The following SLC4A3 variants were observed in gnomAD, a reference collection of about 807,000 sequenced individuals.
SLC4A3 encodes the protein anion exchange protein 3.
In SLC4A3, 47 loss-of-function variants were observed where a neutral mutation model predicts 114.2. The observed-to-expected ratio is 0.41, with a 90% CI of 0.33 to 0.52. The LOEUF is 0.52. Among genes scored for constraint, SLC4A3 ranks in the 20% least tolerant of loss-of-function variants. The pLI is 0.21. For missense variants in SLC4A3, 1,312 were observed against 1,668.3 expected, an observed-to-expected ratio of 0.79 and a Z score of 3.72; for synonymous variants, 693 against 710.3, an observed-to-expected ratio of 0.98 and a Z score of 0.39.
At position 219,628,001 on chromosome 2, in the gene SLC4A3, C is replaced by G. The variant is rs1410869859; in HGVS notation, c.9C>G (p.Asn3Lys). 1.3e-6 allele frequency: 2 copies of G among 1,598,710 alleles called. No individual in the cohort carries two copies. Residue 3 changes from asparagine (N) to lysine (K), a missense_variant, in exon 2 of 23, where the codon AAC becomes AAG. Coordinates refer to ENST00000358055, the MANE Select transcript of SLC4A3 (RefSeq NM_005070.4). This position sits in a 1 kb window ranked among gnomAD's most constrained non-coding sequence, Gnocchi z 4.8. ...CAGCCGCCTACCTGGCCATGGCCAA[C>G]GGAGTGATCCCGCCGCCCGGGGGCG... MA[N>K]GVIPPPGGAS...
Position 219,636,792 on chromosome 2 carries a change from A to G in SLC4A3, c.2453A>G (p.Tyr818Cys). ...GCCGAAGGCAGCTTCCTGGTCCGCT[A>G]CATCTCGCCTTTCACCCAGGAGATC... The part of the protein sequence containing the change: ...VAAEGSFLVR[Y>C]ISPFTQEIFA... Residue 818 changes from tyrosine to cysteine, a missense_variant, in exon 16 of 23, where the codon TAC (tyrosine) becomes TGC (cysteine). Around this residue, in one of 4 missense-constraint regions of SLC4A3, gnomAD observed 771 missense variants for 977.7 expected, o/e 0.79. Transcript: ENST00000358055. This position sits in a 1 kb window ranked among gnomAD's most constrained non-coding sequence, Gnocchi z 5.5. 6.2e-7 allele frequency: 1 copy of G among 1,614,000 alleles called. No homozygotes were observed. The highest frequency in any genetic ancestry group is 8.5e-7 in the Non-Finnish European group (1 of 1,179,960).
In SLC4A3 at chr2:219,634,493, G is replaced by C. The variant is rs1324178856; in HGVS notation, c.1635G>C (p.Val545=). The change falls in exon 12 of 23, where the codon GTG becomes GTC. Residue 545 remains valine, a synonymous_variant. Transcript: ENST00000358055. ...RLNEAVLLES[V]LEVPVPVRFL... Reference sequence around the variant, plus strand: ...ATGAGGCTGTACTCCTGGAGTCTGTGCTTGAGGTCCCTGTCCCGGTCCGCT... The same window carrying C: ...ATGAGGCTGTACTCCTGGAGTCTGTCCTTGAGGTCCCTGTCCCGGTCCGCT... 1.2e-6 allele frequency: 2 copies of C among 1,614,084 alleles called. No individual in the cohort carries two copies. The highest frequency in any genetic ancestry group is 8.5e-7 in the Non-Finnish European group (1 of 1,180,052).
chr2:219,632,941 G>A lies in SLC4A3; in HGVS notation c.1209G>A (p.Met403Ile). Residue 403 changes from methionine to isoleucine, a missense_variant, in exon 9 of 23, where the codon ATG becomes ATA. Physicochemically the swap from Met to Ile is conservative, Grantham distance 10. Coordinates refer to ENST00000358055, the MANE Select transcript of SLC4A3 (RefSeq NM_005070.4). ...TTGCACACCTCGTGGTGGAGACCAT[G>A]ATTGTGTCTGACCAGATCCGGCCGG... ...PGIAHLVVET[M>I]IVSDQIRPED... 1 of 1,614,120 alleles carries A rather than the reference G, an allele frequency of 6.2e-7. No homozygotes were observed. The highest frequency in any genetic ancestry group is 8.5e-7 in the Non-Finnish European group (1 of 1,180,026).
rs911985383 is a variant in SLC4A3, at chr2:219,641,942, G to A, written c.*214G>A. On this transcript the variant is annotated 3_prime_UTR_variant, in exon 23 of 23. Coordinates refer to ENST00000358055, the MANE Select transcript of SLC4A3 (RefSeq NM_005070.4). This position sits in a 1 kb window ranked among gnomAD's most constrained non-coding sequence, Gnocchi z 4.0. ...CAGACCAGACCGGCACAGGCTTTGAGCTCATTATAACCACACTCCTTGTCT... is the reference window on the plus strand; with the variant it reads ...CAGACCAGACCGGCACAGGCTTTGAACTCATTATAACCACACTCCTTGTCT... The A allele has an allele frequency of 3.0e-5, 16 of 533,330 alleles. No homozygotes were observed. The highest frequency in any genetic ancestry group is 5.7e-5 in the African/African-American group (3 of 52,196). The allele number at this position is 533,330 out of a possible 1,614,324, so 33.0% of individuals were successfully genotyped here.
Position 219,628,035 on chromosome 2 carries a change from C to T in SLC4A3, c.43C>T (p.Leu15=). 1 of 1,576,286 alleles carries T rather than the reference C, an allele frequency of 6.3e-7. No individual in the cohort carries two copies. The highest frequency in any genetic ancestry group is 8.6e-7 in the Non-Finnish European group (1 of 1,164,574). The change falls in exon 2 of 23, where the codon CTA becomes TTA. Residue 15 remains leucine, a synonymous_variant. Coordinates refer to ENST00000358055, the MANE Select transcript of SLC4A3 (RefSeq NM_005070.4). The surrounding 1 kb of genome is among the most constrained non-coding windows in gnomAD (Gnocchi z 4.8). Reference sequence around the variant, plus strand: ...CCCGCCGCCCGGGGGCGCCTCCCCCCTACCCCAGGTGATCGGCGCGCGCGG... The same window carrying T: ...CCCGCCGCCCGGGGGCGCCTCCCCCTTACCCCAGGTGATCGGCGCGCGCGG... The part of the protein sequence containing the change: ...VIPPPGGASP[L]PQVRVPLEEP...
In SLC4A3 at chr2:219,630,004, G is replaced by A. The variant is rs1404588317; in HGVS notation, c.612-149G>A. Reference sequence around the variant, plus strand: ...GAAAGGGGGAGCCACGGGATGGGGAGGGGGCCTGGGTCAGCATCCTTTGCT... The same window carrying A: ...GAAAGGGGGAGCCACGGGATGGGGAAGGGGCCTGGGTCAGCATCCTTTGCT... On this transcript the variant is annotated intron_variant, in intron 5 of 22. Coordinates refer to ENST00000358055, the MANE Select transcript of SLC4A3 (RefSeq NM_005070.4). This position sits in a 1 kb window ranked among gnomAD's most constrained non-coding sequence, Gnocchi z 6.9. 2.0e-6 allele frequency: 3 copies of A among 1,470,426 alleles called. No individual in the cohort carries two copies. Among genetic ancestry groups the A allele is most frequent in the Non-Finnish European group, 2.7e-6 (3 of 1,096,212 alleles). The allele number at this position is 1,470,426 out of a possible 1,614,324, so 91.1% of individuals were successfully genotyped here. A position where few individuals can be genotyped will look rare whatever the true frequency, so the allele number is the denominator to read the frequency against.
intron 20 of SLC4A3, 27 bp from the exon 21 acceptor site, chr2:219,640,403 C>T (rs1699284436): frequency 6.3e-7 from 1 of 1,599,186 alleles, no homozygotes; most frequent in Non-Finnish European, 8.5e-7. Flanking sequence ...GTCTGAGGGT[C>T]AGGCGGGTCT....
In SLC4A3 at chr2:219,637,572, C is replaced by T; in HGVS notation, c.2536-9C>T. 1 of 1,475,158 alleles carries T rather than the reference C, an allele frequency of 6.8e-7. No individual in the cohort carries two copies. The highest frequency in any genetic ancestry group is 1.2e-5 in the South Asian group (1 of 81,834). 91.4% of individuals were successfully genotyped at this position (1,475,158 alleles called of 1,614,324 possible). On this transcript the variant is annotated splice_polypyrimidine_tract_variant and intron_variant, in intron 16 of 22. Transcript: ENST00000358055. This position sits in a 1 kb window ranked among gnomAD's most constrained non-coding sequence, Gnocchi z 4.6. ...TGAGTGACAAGGCATCCTTGTTATC[C>T]ACACACAGGTGTTCACAGAGCACCC...
In SLC4A3 at chr2:219,635,953, C is replaced by T. The variant is rs1699104258; in HGVS notation, c.2191+62C>T. On this transcript the variant is annotated intron_variant, in intron 14 of 22. Coordinates refer to ENST00000358055, the MANE Select transcript of SLC4A3 (RefSeq NM_005070.4). The stretch of plus-strand genomic sequence containing the variant: ...CTAGTCACTTCTGGTCCCAGTGTCA[C>T]TTGCAGGATTCTGGGTCTGGGTGTG... The T allele has an allele frequency of 2.3e-6, 3 of 1,316,866 alleles. No homozygotes were observed. In the Admixed American group the frequency reaches 8.8e-5, roughly 39 times the overall value. 81.6% of individuals were successfully genotyped at this position (1,316,866 alleles called of 1,614,324 possible). A position where few individuals can be genotyped will look rare whatever the true frequency, so the allele number is the denominator to read the frequency against.
In SLC4A3 at chr2:219,628,630, C is replaced by T. The variant is rs1026021814; in HGVS notation, c.217+60C>T. 4.5e-6 allele frequency: 7 copies of T among 1,548,040 alleles called. No individual in the cohort carries two copies. In the African/African-American group the frequency reaches 9.6e-5, roughly 21 times the overall value. ...TCGCCACCATCACCTTCATCGCCAC[C>T]ATCACCGCGCTCACCTCCGGCTTGG... On this transcript the variant is annotated intron_variant, in intron 3 of 22. Transcript: ENST00000358055. The surrounding 1 kb of genome is among the most constrained non-coding windows in gnomAD (Gnocchi z 4.8).
At chr2:219,634,052 G>A (rs373886828) in intron 11 of SLC4A3, 73 bp downstream of exon 11, 1 of 1,450,548 alleles carries the variant, frequency 6.9e-7, no homozygotes, top group Non-Finnish European at 9.1e-7. Flanking sequence ...GCTTGTCTGA[G>A]CTCTGGCCTC....
rs370722070 is a variant in SLC4A3, at chr2:219,637,721, G to A, written c.2676G>A (p.Thr892=). The change falls in exon 17 of 23, where the codon ACG becomes ACA. Residue 892 remains threonine, a synonymous_variant. Transcript: ENST00000358055. The surrounding 1 kb of genome is among the most constrained non-coding windows in gnomAD (Gnocchi z 4.6). ...CCAGCCCGAGGAACCAGCCCAATAC[G>A]GCACTGCTCTCACTCATCCTCATGC... ...GPPSPRNQPN[T]ALLSLILMLG... is the part of the protein sequence containing the mutation. 7.6e-5 allele frequency: 122 copies of A among 1,613,678 alleles called. No individual in the cohort carries two copies. Among genetic ancestry groups the A allele is most frequent in the Admixed American group, 2.2e-4 (13 of 59,974 alleles).
At chr2:219,632,841 CTG>C in intron 8 of SLC4A3, 31 bp from the exon 9 acceptor site, 2 of 1,612,542 alleles carry the variant, frequency 1.2e-6, no homozygotes, top group Non-Finnish European at 1.7e-6. Flanking sequence ...TCTGATGGGA[CTG>C]TGCCCTCTCT....
At position 219,628,444 on chromosome 2, in the gene SLC4A3, G is replaced by A; in HGVS notation, c.91G>A (p.Val31Met). 6.2e-7 allele frequency: 1 copy of A among 1,613,598 alleles called. No homozygotes were observed. Among genetic ancestry groups the A allele is most frequent in the Non-Finnish European group, 8.5e-7 (1 of 1,179,830 alleles). ...PLEEPPLSPDVEEEDDDLGKT... is the reference protein window; with the variant it reads ...PLEEPPLSPDMEEEDDDLGKT... ...GGAGGAGCCCCCTCTAAGTCCAGACGTGGAGGAGGAGGACGATGACTTGGG... is the reference window on the plus strand; with the variant it reads ...GGAGGAGCCCCCTCTAAGTCCAGACATGGAGGAGGAGGACGATGACTTGGG... Residue 31 changes from valine to methionine, a missense_variant, in exon 3 of 23, where the codon GTG (valine) becomes ATG (methionine). Around this residue, in one of 4 missense-constraint regions of SLC4A3, gnomAD observed 236 missense variants for 212.1 expected, o/e 1.11. Transcript: ENST00000358055. The surrounding 1 kb of genome is among the most constrained non-coding windows in gnomAD (Gnocchi z 4.8).
At chr2:219,632,194 C>G in intron 7 of SLC4A3, 68 bp from the exon 8 acceptor site, 1 of 1,609,386 alleles carries the variant, frequency 6.2e-7, no homozygotes, top group South Asian at 1.1e-5. Context: ...TGCCCCCCTG[C>G]CTTGCCCCAT....
At chr2:219,633,763 C>CCTGTCTGCT (rs1213673417) in intron 10 of SLC4A3, 117 bp from the exon 11 acceptor site, 3 of 1,479,720 alleles carry the variant, frequency 2.0e-6, no homozygotes, top group Non-Finnish European at 1.8e-6. Context: ...CAGTGCAGTA[C>CCTGTCTGCT]CTGCCTACTC....
chr2:219,639,389 TC>T lies in SLC4A3; in HGVS notation c.3024-87del. The T allele has an allele frequency of 1.1e-5, 16 of 1,444,998 alleles. No individual in the cohort carries two copies. Among genetic ancestry groups the T allele is most frequent in the African/African-American group, 1.4e-5 (1 of 71,894 alleles). 89.5% of individuals were successfully genotyped at this position (1,444,998 alleles called of 1,614,324 possible). On this transcript the variant is annotated intron_variant, in intron 19 of 22. Coordinates refer to ENST00000358055, the MANE Select transcript of SLC4A3 (RefSeq NM_005070.4). This position sits in a 1 kb window ranked among gnomAD's most constrained non-coding sequence, Gnocchi z 5.9. ...AGGGAGAACTGTTGTCTGCACGTCC[TC>T]CCCCCACCATCTCGTCTCTGTGTGC... is the stretch of plus-strand genomic sequence containing the variant.
rs1698866076 is a variant in SLC4A3 at position 219,630,097 on chromosome 2, G to A, written c.612-56G>A. The A allele has an allele frequency of 1.9e-6, 3 of 1,599,508 alleles. No individual in the cohort carries two copies. The highest frequency in any genetic ancestry group is 2.6e-6 in the Non-Finnish European group (3 of 1,171,812). ...GCCGTGCTCTGAGCTGAGGGACGGT[G>A]ATGGAACCACCGACCTGGCCCTGTC... is the stretch of plus-strand genomic sequence containing the variant. On this transcript the variant is annotated intron_variant, in intron 5 of 22. Transcript: ENST00000358055. The surrounding 1 kb of genome is among the most constrained non-coding windows in gnomAD (Gnocchi z 6.9).
In SLC4A3 at chr2:219,637,349, G is replaced by GT. The variant is rs1015494333; in HGVS notation, c.2536-224dup. Among the ~76,000 whole-genome samples the GT allele has an allele frequency of 1.7e-4, 26 of 151,194 alleles. No homozygotes were observed. Among genetic ancestry groups the GT allele is most frequent in the East Asian group, 1.2e-3 (6 of 5,150 alleles). ...GTGTGGTGTGTATGTGGTATGTTGT[G>GT]TTTTTTTTGTGTTGTATGTGTTATG... On this transcript the variant is annotated intron_variant, in intron 16 of 22. Coordinates refer to ENST00000358055, the MANE Select transcript of SLC4A3 (RefSeq NM_005070.4). The surrounding 1 kb of genome is among the most constrained non-coding windows in gnomAD (Gnocchi z 4.6).
Sources: gnomAD v4.1 joint callset for allele counts (sites outside exome capture counted in the v4.1 genomes callset) on GRCh38, gnomAD v4.1.1 for gene constraint, gnomAD v4.1.1 regional missense constraint, Gnocchi (gnomAD v3.1) non-coding constraint, MANE v1.5 for transcripts, NCBI Gene and HGNC (gene_info 2026-07-23, HGNC 2026-07-21) for gene names.